SLCO3A1: variants seen among roughly 807,000 people sequenced by gnomAD.
SLCO3A1 encodes the protein solute carrier organic anion transporter family member 3A1.
Under a neutral mutation model 63.1 loss-of-function variants are expected in SLCO3A1, and 27 were observed. That is an observed-to-expected ratio of 0.43 (90% CI 0.32 to 0.59). The LOEUF is 0.59. Ranked by LOEUF, SLCO3A1 falls within the 20% of genes least tolerant of loss-of-function variation. The pLI, the probability that SLCO3A1 is intolerant of heterozygous loss-of-function variation, is 0.09. For missense variants in SLCO3A1, 773 were observed against 945.8 expected (o/e 0.82, Z 2.40); for synonymous variants, 473 against 409.9 (o/e 1.15, Z -1.86).
intron 2 of SLCO3A1, among the ~76,000 whole-genome samples, chr15:92,025,741 A>G (rs1368764807): frequency 6.6e-6 from 1 of 152,152 alleles, no homozygotes; most frequent in Non-Finnish European, 1.5e-5. Flanking sequence ...CTCTCTTCTC[A>G]GTCAGCAAAG....
At position 91,857,050 on chromosome 15, in the gene SLCO3A1, G is replaced by C. The variant is rs1027133629; in HGVS notation, c.180+2962G>C. Among the ~76,000 whole-genome samples the C allele has an allele frequency of 2.2e-4, 33 of 150,428 alleles. 1 individual carries two copies. Among genetic ancestry groups the C allele is most frequent in the African/African-American group, 7.8e-4 (32 of 41,028 alleles). ...GACTCGTGTGTGTGTGTGTGTGTGTGTGTGTGTGTGTGTGTGTGTGAGAGA... is the reference window on the plus strand; with the variant it reads ...GACTCGTGTGTGTGTGTGTGTGTGTCTGTGTGTGTGTGTGTGTGTGAGAGA... On this transcript the variant is annotated intron_variant, in intron 1 of 9. Coordinates refer to ENST00000318445, the MANE Select transcript of SLCO3A1 (RefSeq NM_013272.4).
chr15:91,952,006 C>T (rs1021867731), intron 2 of SLCO3A1, among the ~76,000 whole-genome samples: 2 of 152,102 alleles, frequency 1.3e-5, no homozygotes, highest in Admixed American at 1.3e-4. Flanking sequence ...TTTATATTTC[C>T]ACCAGTAATG....
intron 1 of SLCO3A1, among the ~76,000 whole-genome samples, chr15:91,891,231 C>T (rs1318990694): frequency 6.6e-6 from 1 of 152,016 alleles, no homozygotes; most frequent in African/African-American, 2.4e-5. Context: ...CCACAGGTAC[C>T]GTAGCTTCAG....
At chr15:91,904,547 A>C (rs1215237094) in intron 1 of SLCO3A1, among the ~76,000 whole-genome samples, 1 of 152,254 alleles carries the variant, frequency 6.6e-6, no homozygotes, top group Non-Finnish European at 1.5e-5. Context: ...GTCACTCTGT[A>C]TCTCAGATGA....
intron 2 of SLCO3A1, among the ~76,000 whole-genome samples, chr15:92,070,226 A>G (rs11074039): frequency 0.44 from 67,381 of 152,208 alleles, 16,488 homozygotes; most frequent in Admixed American, 0.62. Context: ...TTGGAGGGTA[A>G]AGGAGTTCAG....
downstream of SLCO3A1, among the ~76,000 whole-genome samples, chr15:92,166,524 C>T (rs1482625550): frequency 3.9e-5 from 6 of 152,192 alleles, no homozygotes; most frequent in Non-Finnish European, 7.3e-5. Context: ...GATTCCACTG[C>T]CCTGTGTCCA....
chr15:92,167,880 G>A (rs1287603270), downstream of SLCO3A1, among the ~76,000 whole-genome samples: 3 of 152,210 alleles, frequency 2.0e-5, no homozygotes, highest in African/African-American at 7.2e-5. Context: ...ACCTGTGACT[G>A]CCATGGAGAC....
intron 7 of SLCO3A1, among the ~76,000 whole-genome samples, chr15:92,146,555 C>T (rs943951014): frequency 1.3e-5 from 2 of 152,190 alleles, no homozygotes; most frequent in South Asian, 2.1e-4. Flanking sequence ...CAACAATATG[C>T]GGGTTACCTG....
chr15:91,915,327 A>G (rs1898617996), intron 1 of SLCO3A1, among the ~76,000 whole-genome samples: 1 of 152,172 alleles, frequency 6.6e-6, no homozygotes, highest in African/African-American at 2.4e-5. Flanking sequence ...AAACGGGGGA[A>G]ATCATAATAT....
At chr15:92,045,014 A>C (rs1037912664) in intron 2 of SLCO3A1, among the ~76,000 whole-genome samples, 1 of 152,092 alleles carries the variant, frequency 6.6e-6, no homozygotes, top group African/African-American at 2.4e-5. Flanking sequence ...TAATTAAAAC[A>C]TGTTGTCTGT....
In SLCO3A1 at chr15:91,974,265, G is replaced by GTTGTTGTTGTTGTTATTATTATTA. The variant is rs147991710; in HGVS notation, c.646+57809_646+57810insGTTGTTGTTGTTATTATTATTATT. Among the ~76,000 whole-genome samples, 51 of 142,956 alleles carry GTTGTTGTTGTTGTTATTATTATTA rather than the reference G, an allele frequency of 3.6e-4. 1 individual carries two copies. Among genetic ancestry groups the GTTGTTGTTGTTGTTATTATTATTA allele is most frequent in the Admixed American group, 1.5e-3 (22 of 14,240 alleles). 93.8% of individuals were successfully genotyped at this position (142,956 alleles called of 152,430 possible). A position where few individuals can be genotyped will look rare whatever the true frequency, so the allele number is the denominator to read the frequency against. Reference sequence around the variant, plus strand: ...CTAAACGGACACCATTTTCATTATTGTTATTATTATTATTATTATTATTAT... The same window carrying GTTGTTGTTGTTGTTATTATTATTA: ...CTAAACGGACACCATTTTCATTATTGTTGTTGTTGTTGTTATTATTATTATTATTATTATTATTATTATTATTAT... On this transcript the variant is annotated intron_variant, in intron 2 of 9. Transcript: ENST00000318445.
intron 2 of SLCO3A1, among the ~76,000 whole-genome samples, chr15:92,036,359 CTTTTTTT>C (rs768649802): frequency 2.0e-5 from 1 of 50,364 alleles, no homozygotes; most frequent in African/African-American, 6.0e-5. Flanking sequence ...CTGAGGTTTT[CTTTTTTT>C]TTTTTTTTTT....
rs72754011 is a variant in SLCO3A1 at position 91,950,105 on chromosome 15, G to A, written c.646+33647G>A. Reference sequence around the variant, plus strand: ...ATGTAGAGGAGGAAAAATTAGTCCTGACAAGGGAGGTTTTTAGGAGAAAGG... The same window carrying A: ...ATGTAGAGGAGGAAAAATTAGTCCTAACAAGGGAGGTTTTTAGGAGAAAGG... On this transcript the variant is annotated intron_variant, in intron 2 of 9. Coordinates refer to ENST00000318445, the MANE Select transcript of SLCO3A1 (RefSeq NM_013272.4). The surrounding 1 kb of genome is among the most constrained non-coding windows in gnomAD (Gnocchi z 4.4). Among the ~76,000 whole-genome samples, 8,857 of 152,314 alleles carry A rather than the reference G, an allele frequency of 0.058. 367 individuals carry two copies. Among genetic ancestry groups the A allele is most frequent in the Non-Finnish European group, 0.086 (5,880 of 68,022 alleles).
chr15:92,090,157 A>G (rs1723590097), intron 2 of SLCO3A1, among the ~76,000 whole-genome samples: 1 of 152,150 alleles, frequency 6.6e-6, no homozygotes. Flanking sequence ...TTCTGTGCAT[A>G]TTGATTTCCA....
At chr15:92,146,417 CCCTTTGCTTCCTCAGCCT>C (rs2048223776) in intron 7 of SLCO3A1, among the ~76,000 whole-genome samples, 1 of 152,220 alleles carries the variant, frequency 6.6e-6, no homozygotes, top group South Asian at 2.1e-4. Flanking sequence ...TCTCTTAGCC[CCCTTTGCTTCCTCAGCCT>C]CCAGAGAACT....
Position 92,080,950 on chromosome 15 carries a change from G to A in SLCO3A1, c.647-13931G>A, listed in dbSNP as rs879842520. Among the ~76,000 whole-genome samples the A allele has an allele frequency of 6.4e-3, 698 of 108,858 alleles. 4 individuals carry two copies. Among genetic ancestry groups the A allele is most frequent in the Non-Finnish European group, 9.8e-3 (436 of 44,462 alleles). 71.4% of individuals were successfully genotyped at this position (108,858 alleles called of 152,430 possible). A position where few individuals can be genotyped will look rare whatever the true frequency, so the allele number is the denominator to read the frequency against. ...GGATACATAGTAGCTGTGTGTGTGTGTGTGTGTGTGTGTGTGTGTGTGTGT... is the reference window on the plus strand; with the variant it reads ...GGATACATAGTAGCTGTGTGTGTGTATGTGTGTGTGTGTGTGTGTGTGTGT... On this transcript the variant is annotated intron_variant, in intron 2 of 9. Coordinates refer to ENST00000318445, the MANE Select transcript of SLCO3A1 (RefSeq NM_013272.4).
In SLCO3A1 at chr15:92,100,687, G is replaced by T. The variant is rs747277856; in HGVS notation, c.746-3592G>T. Among the ~76,000 whole-genome samples, 115 of 152,280 alleles carry T rather than the reference G, an allele frequency of 7.6e-4. 1 individual carries two copies. Among genetic ancestry groups the T allele is most frequent in the Admixed American group, 1.4e-3 (21 of 15,294 alleles). ...TATGCCAAGCCTGCCTGAGACTGCT[G>T]TTCTTATAGAACGTGGATTTCTATT... On this transcript the variant is annotated intron_variant, in intron 3 of 9. Coordinates refer to ENST00000318445, the MANE Select transcript of SLCO3A1 (RefSeq NM_013272.4).
chr15:91,875,805 G>GT lies in SLCO3A1; in HGVS notation c.180+21718dup, dbSNP rs1253029272. On this transcript the variant is annotated intron_variant, in intron 1 of 9. Coordinates refer to ENST00000318445, the MANE Select transcript of SLCO3A1 (RefSeq NM_013272.4). The surrounding 1 kb of genome is among the most constrained non-coding windows in gnomAD (Gnocchi z 4.5). Reference sequence around the variant, plus strand: ...CAAACCTGGCCTGCTCTCTACTTTTGTAAGTCAACTTTTATTGGAACACAG... The same window carrying GT: ...CAAACCTGGCCTGCTCTCTACTTTTGTTAAGTCAACTTTTATTGGAACACAG... Among the ~76,000 whole-genome samples, 1 of 152,208 alleles carries GT rather than the reference G, an allele frequency of 6.6e-6. No homozygotes were observed. The highest frequency in any genetic ancestry group is 1.5e-5 in the Non-Finnish European group (1 of 68,022).
chr15:91,975,256 A>G (rs1177330799), intron 2 of SLCO3A1, among the ~76,000 whole-genome samples: 3 of 137,248 alleles, frequency 2.2e-5, no homozygotes, highest in Non-Finnish European at 4.8e-5. Flanking sequence ...ACAGGTGCGC[A>G]TTTTAAAAAA....
Sources: gnomAD v4.1 joint callset for allele counts (sites outside exome capture counted in the v4.1 genomes callset) on GRCh38, gnomAD v4.1.1 for gene constraint, Gnocchi (gnomAD v3.1) non-coding constraint, MANE v1.5 for transcripts, NCBI Gene and HGNC (gene_info 2026-07-23, HGNC 2026-07-21) for gene names.